Variants in PRKN observed in about 807,000 individuals in gnomAD.
PRKN encodes the protein E3 ubiquitin-protein ligase parkin.
A neutral mutation model predicts 59.5 loss-of-function variants in PRKN; 56 were observed. The observed-to-expected ratio is 0.94, with a 90% CI of 0.76 to 1.18. The LOEUF is 1.18. Ranked by LOEUF, PRKN falls within the 50% of genes most tolerant of loss-of-function variation. PRKN has a pLI of 0.00. For missense variants in PRKN, 657 were observed against 596.4 expected (o/e 1.10, Z -1.06); for synonymous variants, 250 against 222.1 (o/e 1.13, Z -1.12).
chr6:161,951,782 C>A (rs1779998884), intron 6 of PRKN, among the ~76,000 whole-genome samples: 1 of 151,998 alleles, frequency 6.6e-6, no homozygotes, highest in East Asian at 1.9e-4. Context: ...CTTAGCTAGG[C>A]ATGGTGACGG....
At position 161,386,997 on chromosome 6, in the gene PRKN, A is replaced by G; in HGVS notation, c.1084-120T>C. 1 of 822,232 alleles carries G rather than the reference A, an allele frequency of 1.2e-6. No homozygotes were observed. The highest frequency in any genetic ancestry group is 2.1e-6 in the Non-Finnish European group (1 of 475,590). The allele number at this position is 822,232 out of a possible 1,614,324, so 50.9% of individuals were successfully genotyped here. ...TGGCTTGTGCAACAGTTTCTGTATA[A>G]AAATACTTTTTTTGCAAAGAGAAAT... is the stretch of plus-strand genomic sequence containing the variant. On this transcript the variant is annotated intron_variant, in intron 9 of 11. Coordinates refer to ENST00000366898, the MANE Select transcript of PRKN (RefSeq NM_004562.3). The surrounding 1 kb of genome is among the most constrained non-coding windows in gnomAD (Gnocchi z 4.3).
Position 161,383,930 on chromosome 6 carries a change from G to A in PRKN, c.1167+2864C>T, listed in dbSNP as rs538254746. 3.3e-5 allele frequency among the ~76,000 whole-genome samples: 5 copies of A among 152,310 alleles called. No homozygotes were observed. The East Asian group carries it at 7.7e-4, about 24-fold the overall frequency. ...CTGTTCACCAGCAGACATCTTTTTAGTTTGGCTGGTTGGTTTGCTTTGTTT... is the reference window on the plus strand; with the variant it reads ...CTGTTCACCAGCAGACATCTTTTTAATTTGGCTGGTTGGTTTGCTTTGTTT... On this transcript the variant is annotated intron_variant, in intron 10 of 11. Coordinates refer to ENST00000366898, the MANE Select transcript of PRKN (RefSeq NM_004562.3).
intron 6 of PRKN, among the ~76,000 whole-genome samples, chr6:161,826,075 A>G (rs185799243): frequency 4.6e-5 from 7 of 152,302 alleles, no homozygotes; most frequent in African/African-American, 1.7e-4. Flanking sequence ...CCTGGCTAAA[A>G]TGCAAACCAT....
At chr6:162,049,870 G>A (rs1029935769) in intron 5 of PRKN, among the ~76,000 whole-genome samples, 5 of 152,054 alleles carry the variant, frequency 3.3e-5, no homozygotes, top group Admixed American at 6.6e-5. Context: ...GGTACGAATC[G>A]GACGCGTCCT....
chr6:162,606,366 A>C (rs1400775202), intron 1 of PRKN, among the ~76,000 whole-genome samples: 1 of 152,240 alleles, frequency 6.6e-6, no homozygotes, highest in Non-Finnish European at 1.5e-5. Flanking sequence ...TATCTCACAC[A>C]AATCCTATCT....
chr6:162,180,085 G>A (rs936280910), intron 4 of PRKN, among the ~76,000 whole-genome samples: 2 of 151,554 alleles, frequency 1.3e-5, no homozygotes, highest in African/African-American at 4.9e-5. Flanking sequence ...CATGTGATAG[G>A]TGAAATTCAT....
chr6:162,727,511 G>T, intron 1 of PRKN, 151 bp downstream of exon 1: 2 of 844,964 alleles, frequency 2.4e-6, no homozygotes, highest in Non-Finnish European at 3.6e-6. Context: ...GAGCTGGGGA[G>T]CCCGGCGGCG....
intron 1 of PRKN, among the ~76,000 whole-genome samples, chr6:162,534,508 G>A (rs778694314): frequency 1.7e-4 from 26 of 152,042 alleles, no homozygotes; most frequent in Non-Finnish European, 3.4e-4. Context: ...TCATTAGACC[G>A]CACACTCCTT....
chr6:162,386,516 T>C (rs1161893297), intron 2 of PRKN, among the ~76,000 whole-genome samples: 3 of 152,212 alleles, frequency 2.0e-5, no homozygotes, highest in African/African-American at 7.2e-5. Context: ...TCTCTTCATC[T>C]TGCTGATTCC....
intron 7 of PRKN, among the ~76,000 whole-genome samples, chr6:161,778,567 G>A (rs922725084): frequency 6.6e-6 from 1 of 152,190 alleles, no homozygotes; most frequent in Admixed American, 6.5e-5. Context: ...AAGCTGGGAT[G>A]GTGGAGAGGT....
At chr6:162,514,963 T>TTTGC (rs1777782852) in intron 1 of PRKN, among the ~76,000 whole-genome samples, 1 of 152,070 alleles carries the variant, frequency 6.6e-6, no homozygotes, top group East Asian at 1.9e-4. Flanking sequence ...AATTGCAAAA[T>TTTGC]TGCAAGAGTG....
chr6:161,871,363 T>C (rs1000681083), intron 6 of PRKN, among the ~76,000 whole-genome samples: 2 of 152,128 alleles, frequency 1.3e-5, no homozygotes, highest in African/African-American at 4.8e-5. Context: ...CCCTACTTTG[T>C]ATTAATTTGG....
intron 7 of PRKN, among the ~76,000 whole-genome samples, chr6:161,622,291 G>A (rs148584799): frequency 2.0e-5 from 3 of 152,270 alleles, no homozygotes; most frequent in East Asian, 3.9e-4. Context: ...AGATCTGGCC[G>A]CCATTCCCAT....
rs1554304694 is a variant in PRKN, at chr6:162,359,079, A to AT, written c.171+84230_171+84231insA. 5.0e-3 allele frequency among the ~76,000 whole-genome samples: 419 copies of AT among 83,226 alleles called. 3 individuals carry two copies. Among genetic ancestry groups the AT allele is most frequent in the African/African-American group, 0.018 (242 of 13,654 alleles). The allele number at this position is 83,226 out of a possible 152,430, so 54.6% of individuals were successfully genotyped here. A position where few individuals can be genotyped will look rare whatever the true frequency, so the allele number is the denominator to read the frequency against. ...TGTGGCAAAAAAAAAAAAAAAAAAA[A>AT]ATATATATATATATATATGAAATCA... On this transcript the variant is annotated intron_variant, in intron 2 of 11. Coordinates refer to ENST00000366898, the MANE Select transcript of PRKN (RefSeq NM_004562.3).
chr6:162,588,386 C>T (rs1428517644), intron 1 of PRKN, among the ~76,000 whole-genome samples: 1 of 148,112 alleles, frequency 6.8e-6, no homozygotes, highest in Non-Finnish European at 1.5e-5. Context: ...ATATTCCTCA[C>T]ATTAACAAAA....
chr6:162,665,313 C>T (rs1779058674), intron 1 of PRKN, among the ~76,000 whole-genome samples: 1 of 152,068 alleles, frequency 6.6e-6, no homozygotes, highest in Non-Finnish European at 1.5e-5. Context: ...ACTTCTTGAA[C>T]TGATAAGTAA....
At chr6:161,649,179 T>C (rs1424219394) in intron 7 of PRKN, among the ~76,000 whole-genome samples, 1 of 152,168 alleles carries the variant, frequency 6.6e-6, no homozygotes, top group Non-Finnish European at 1.5e-5. Flanking sequence ...TGGAGGAACA[T>C]AAAAGAGGCC....
intron 5 of PRKN, among the ~76,000 whole-genome samples, chr6:161,997,726 T>C (rs1165658645): frequency 6.6e-6 from 1 of 152,174 alleles, no homozygotes; most frequent in Non-Finnish European, 1.5e-5. Context: ...CAGCAGTTAG[T>C]GATAGAAACA....
At chr6:162,143,662 A>G (rs2128311542) in intron 4 of PRKN, among the ~76,000 whole-genome samples, 2 of 152,326 alleles carry the variant, frequency 1.3e-5, no homozygotes, top group South Asian at 2.1e-4. Context: ...AATGCAAATA[A>G]TTAAATGCAA....
Sources: gnomAD v4.1 joint callset for allele counts (sites outside exome capture counted in the v4.1 genomes callset) on GRCh38, gnomAD v4.1.1 for gene constraint, Gnocchi (gnomAD v3.1) non-coding constraint, MANE v1.5 for transcripts, NCBI Gene and HGNC (gene_info 2026-07-23, HGNC 2026-07-21) for gene names.